EML4: variants seen among roughly 807,000 people sequenced by gnomAD.
EML4 encodes the protein echinoderm microtubule-associated protein-like 4.
A neutral mutation model predicts 129.0 loss-of-function variants in EML4; 72 were observed. The ratio of observed to expected loss-of-function variants is 0.56; its 90% CI spans 0.46 to 0.68. EML4 has a LOEUF of 0.68. Among genes scored for constraint, EML4 ranks in the 30% least tolerant of loss-of-function variants. The pLI is 0.00. For synonymous variants in EML4, 532 were observed against 405.0 expected (o/e 1.31, Z -3.77); for missense variants, 1,363 against 1,190.6 (o/e 1.14, Z -2.13).
At chr2:42,263,890 C>T (rs1467314036) in intron 5 of EML4, among the ~76,000 whole-genome samples, 1 of 151,884 alleles carries the variant, frequency 6.6e-6, no homozygotes, top group African/African-American at 2.4e-5. Flanking sequence ...CCACCACGCC[C>T]AGCTAATTTT....
chr2:42,274,792 C>G (rs1666568219), intron 6 of EML4, among the ~76,000 whole-genome samples: 1 of 151,940 alleles, frequency 6.6e-6, no homozygotes, highest in African/African-American at 2.4e-5. Flanking sequence ...AAGGGAGATA[C>G]AAAAGTAGAA....
rs1666964664 is a variant in EML4 at position 42,280,844 on chromosome 2, C to T, written c.668-6C>T. Reference sequence around the variant, plus strand: ...ATGACTTAACTTTTGTCTTGTGTTTCAACAGAAGGAGAATATATTAAAATG... The same window carrying T: ...ATGACTTAACTTTTGTCTTGTGTTTTAACAGAAGGAGAATATATTAAAATG... On this transcript the variant is annotated splice_region_variant and splice_polypyrimidine_tract_variant and intron_variant, in intron 6 of 22. Coordinates refer to ENST00000318522, the MANE Select transcript of EML4 (RefSeq NM_019063.5). The T allele has an allele frequency of 1.2e-6, 2 of 1,600,080 alleles. No homozygotes were observed. The highest frequency in any genetic ancestry group is 2.7e-5 in the African/African-American group (2 of 74,084).
intron 2 of EML4, among the ~76,000 whole-genome samples, chr2:42,255,106 G>A (rs1676040790): frequency 6.6e-6 from 1 of 151,262 alleles, no homozygotes; most frequent in Non-Finnish European, 1.5e-5. Flanking sequence ...TTTTCTTTGA[G>A]ACGGAGTCTT....
chr2:42,192,225 T>C lies in EML4; in HGVS notation c.25+22589T>C, dbSNP rs1671631167. 2.0e-5 allele frequency among the ~76,000 whole-genome samples: 3 copies of C among 148,538 alleles called. No homozygotes were observed. In the South Asian group the frequency reaches 6.3e-4, roughly 31 times the overall value. On this transcript the variant is annotated intron_variant, in intron 1 of 22. Coordinates refer to ENST00000318522, the MANE Select transcript of EML4 (RefSeq NM_019063.5). ...TTTCTTTGCTGGTTTTTTTTTGTTG[T>C]TTTTTTGTTTTTTTTTTTGGGGGGG...
intron 11 of EML4, among the ~76,000 whole-genome samples, chr2:42,291,334 A>T (rs1053912619): frequency 6.6e-6 from 1 of 152,150 alleles, no homozygotes; most frequent in African/African-American, 2.4e-5. Context: ...TAAGGCATAT[A>T]AAGTACTAAC....
At chr2:42,248,391 A>C (rs1264775326) in intron 2 of EML4, among the ~76,000 whole-genome samples, 1 of 152,212 alleles carries the variant, frequency 6.6e-6, no homozygotes, top group Non-Finnish European at 1.5e-5. Flanking sequence ...TTTTCCCAGC[A>C]TATACACAGT....
chr2:42,206,168 C>T (rs530035535), intron 1 of EML4, among the ~76,000 whole-genome samples: 6 of 152,168 alleles, frequency 3.9e-5, no homozygotes, highest in African/African-American at 1.2e-4. Flanking sequence ...GCATTCCCCC[C>T]CTCTGGTCCA....
At chr2:42,248,074 G>A (rs1232169707) in intron 2 of EML4, among the ~76,000 whole-genome samples, 1 of 152,058 alleles carries the variant, frequency 6.6e-6, no homozygotes, top group Non-Finnish European at 1.5e-5. Context: ...CTGGGCACAA[G>A]TGGTCCTCAT....
chr2:42,303,819 A>G (rs11684912), intron 16 of EML4, among the ~76,000 whole-genome samples: 41,561 of 151,982 alleles, frequency 0.27, 6,184 homozygotes, highest in East Asian at 0.56. Context: ...CAGCTACTCG[A>G]GAGGCTGAGG....
chr2:42,287,771 A>C (rs1667391926), intron 10 of EML4, among the ~76,000 whole-genome samples: 1 of 152,204 alleles, frequency 6.6e-6, no homozygotes, highest in African/African-American at 2.4e-5. Context: ...AACTGAAATC[A>C]GCAAACTCTA....
chr2:42,241,171 C>A (rs1675006444), intron 1 of EML4, among the ~76,000 whole-genome samples: 1 of 151,440 alleles, frequency 6.6e-6, no homozygotes, highest in South Asian at 2.1e-4. Flanking sequence ...AAAAAGCAAA[C>A]AGATAGATGT....
intron 1 of EML4, among the ~76,000 whole-genome samples, chr2:42,171,455 TATTTTCAA>T (rs1198056778): frequency 6.6e-6 from 1 of 152,262 alleles, no homozygotes; most frequent in Non-Finnish European, 1.5e-5. Context: ...ACTTAATGTT[TATTTTCAA>T]ACATTGATTA....
At chr2:42,194,350 T>C (rs973563403) in intron 1 of EML4, among the ~76,000 whole-genome samples, 1 of 150,388 alleles carries the variant, frequency 6.6e-6, no homozygotes, top group African/African-American at 2.4e-5. Flanking sequence ...TCTCTCTCTT[T>C]TTTTTTTTTT....
intron 1 of EML4, among the ~76,000 whole-genome samples, chr2:42,204,341 C>T (rs948140607): frequency 2.0e-5 from 3 of 152,160 alleles, no homozygotes; most frequent in African/African-American, 4.8e-5. Context: ...GATTTCAGTA[C>T]CTACAGCTTA....
At chr2:42,182,946 A>G (rs141833272) in intron 1 of EML4, among the ~76,000 whole-genome samples, 1 of 152,142 alleles carries the variant, frequency 6.6e-6, no homozygotes, top group Non-Finnish European at 1.5e-5. Flanking sequence ...TAAGGATACC[A>G]GTTGTATTGG....
chr2:42,318,850 G>A (rs1288773819), intron 19 of EML4, among the ~76,000 whole-genome samples: 11 of 152,002 alleles, frequency 7.2e-5, no homozygotes, highest in Non-Finnish European at 1.3e-4. Context: ...CACCATAGGT[G>A]TGTGCCACCT....
chr2:42,303,580 G>T, intron 16 of EML4, 134 bp downstream of exon 16: 1 of 966,746 alleles, frequency 1.0e-6, no homozygotes, highest in Non-Finnish European at 1.5e-6. Flanking sequence ...ATAGAGGGTG[G>T]AGATAAGAGG....
At chr2:42,309,886 A>T (rs575916725) in intron 17 of EML4, among the ~76,000 whole-genome samples, 2 of 152,110 alleles carry the variant, frequency 1.3e-5, no homozygotes. Context: ...GATGTAGTTT[A>T]GTTTATCTGT....
chr2:42,231,615 C>G (rs1674351693), intron 1 of EML4, among the ~76,000 whole-genome samples: 1 of 152,134 alleles, frequency 6.6e-6, no homozygotes, highest in African/African-American at 2.4e-5. Flanking sequence ...TAATCAATGA[C>G]CATATTCCAT....
Sources: allele counts gnomAD v4.1 joint callset (sites outside exome capture counted in the v4.1 genomes callset), GRCh38; gene constraint gnomAD v4.1.1; transcripts MANE v1.5; gene names NCBI Gene and HGNC (gene_info 2026-07-23, HGNC 2026-07-21).